The following GLT1D1 variants were observed in gnomAD, a reference collection of about 807,000 sequenced individuals.
The protein encoded by GLT1D1 is glycosyltransferase 1 domain-containing protein 1.
A neutral mutation model predicts 28.7 loss-of-function variants in GLT1D1; 21 were observed. The ratio of observed to expected loss-of-function variants is 0.73; its 90% CI spans 0.52 to 1.05. GLT1D1 has a LOEUF of 1.05. Among genes scored for constraint, GLT1D1 ranks in the 50% least tolerant of loss-of-function variants. The pLI is 0.00. For missense variants in GLT1D1, 343 were observed against 330.6 expected (o/e 1.04, Z -0.29); for synonymous variants, 147 against 124.8 (o/e 1.18, Z -1.19).
chr12:128,890,233 G>A (rs1040596394), intron 3 of GLT1D1, among the ~76,000 whole-genome samples: 4 of 152,128 alleles, frequency 2.6e-5, no homozygotes, highest in Non-Finnish European at 5.9e-5. Flanking sequence ...TTGTCTGTCT[G>A]TAAAACACGC....
chr12:128,967,068 A>G (rs537235), intron 7 of GLT1D1, among the ~76,000 whole-genome samples: 8,819 of 152,234 alleles, frequency 0.058, 830 homozygotes, highest in African/African-American at 0.2. Flanking sequence ...GAATCTATAC[A>G]CTGTCCCAGG....
intron 2 of GLT1D1, among the ~76,000 whole-genome samples, chr12:128,881,990 A>G (rs1331619876): frequency 1.3e-5 from 2 of 151,820 alleles, no homozygotes; most frequent in African/African-American, 4.8e-5. Context: ...TTCCTTTAGG[A>G]TTTTCCAGAA....
intron 3 of GLT1D1, among the ~76,000 whole-genome samples, chr12:128,889,414 C>G (rs1458628277): frequency 6.6e-6 from 1 of 152,150 alleles, no homozygotes; most frequent in Non-Finnish European, 1.5e-5. Context: ...TCTACATGCT[C>G]TAAGTGGGGC....
rs1555219266 is a variant in GLT1D1, at chr12:128,956,171, A to AAGAG, written c.541-1372_541-1369dup. ...GAGACTCCATCTCAAAAAAAAAAAA[A>AAGAG]AGAGAAAGAGAGAAAGAAAGAAAGA... On this transcript the variant is annotated intron_variant, in intron 6 of 7. Coordinates refer to ENST00000281703, the MANE Select transcript of GLT1D1 (RefSeq NM_144669.3). Among the ~76,000 whole-genome samples the AAGAG allele has an allele frequency of 3.3e-4, 21 of 63,988 alleles. 5 individuals carry two copies. The highest frequency in any genetic ancestry group is 1.5e-3 in the South Asian group (2 of 1,376). The allele number at this position is 63,988 out of a possible 152,430, so 42.0% of individuals were successfully genotyped here. A position where few individuals can be genotyped will look rare whatever the true frequency, so the allele number is the denominator to read the frequency against.
chr12:128,920,654 T>C (rs1202002187), intron 4 of GLT1D1, among the ~76,000 whole-genome samples: 1 of 152,236 alleles, frequency 6.6e-6, no homozygotes, highest in South Asian at 2.1e-4. Context: ...TTTCTGTTCC[T>C]GAGCCCGCTC....
At chr12:128,898,203 T>A (rs1869868055) in intron 3 of GLT1D1, among the ~76,000 whole-genome samples, 1 of 151,312 alleles carries the variant, frequency 6.6e-6, no homozygotes, top group Non-Finnish European at 1.5e-5. Context: ...TCTTTCTTCT[T>A]CCTCTGTCAC....
At chr12:128,959,413 G>GA (rs58597574) in intron 7 of GLT1D1, among the ~76,000 whole-genome samples, 43,036 of 87,090 alleles carry the variant, frequency 0.49, 12,017 homozygotes, top group East Asian at 0.75. Flanking sequence ...TGAGGCAGTG[G>GA]GGGGGGACGG....
intron 1 of GLT1D1, chr12:128,864,059 C>A (rs2135767184): frequency 9.2e-6 from 5 of 541,866 alleles, no homozygotes; most frequent in Non-Finnish European, 1.7e-5. Flanking sequence ...AGGGGCCTGG[C>A]TTGTGCCGCT....
intron 2 of GLT1D1, among the ~76,000 whole-genome samples, chr12:128,885,733 G>A (rs1207587241): frequency 6.6e-6 from 1 of 152,106 alleles, no homozygotes; most frequent in African/African-American, 2.4e-5. Flanking sequence ...AGAAAGGGCT[G>A]TCATCTTAAG....
chr12:128,928,008 A>C (rs1221066096), intron 4 of GLT1D1, among the ~76,000 whole-genome samples: 5 of 149,022 alleles, frequency 3.4e-5, no homozygotes. Flanking sequence ...TCAAAAAAAA[A>C]AAAAAAAAAA....
intron 4 of GLT1D1, among the ~76,000 whole-genome samples, chr12:128,940,385 C>G (rs990910140): frequency 1.3e-5 from 2 of 152,214 alleles, no homozygotes; most frequent in Admixed American, 1.3e-4. Context: ...TTTACTCCTC[C>G]GAGCAATCCC....
chr12:128,911,850 G>A (rs1871561118), intron 4 of GLT1D1, among the ~76,000 whole-genome samples: 1 of 151,974 alleles, frequency 6.6e-6, no homozygotes, highest in Non-Finnish European at 1.5e-5. Flanking sequence ...TTGGTGCCAG[G>A]GAGGTAACTT....
chr12:128,915,053 C>A (rs896243108), intron 4 of GLT1D1, 64 bp downstream of exon 6: 1 of 1,300,112 alleles, frequency 7.7e-7, no homozygotes, highest in African/African-American at 1.5e-5. Flanking sequence ...CTTTCAGGAG[C>A]TTGTGACGTT....
At chr12:128,895,533 C>T (rs371769221) in intron 3 of GLT1D1, among the ~76,000 whole-genome samples, 7 of 150,586 alleles carry the variant, frequency 4.6e-5, no homozygotes, top group East Asian at 2.0e-4. Flanking sequence ...CTTGACTCAT[C>T]GCAACCTCCG....
intron 7 of GLT1D1, among the ~76,000 whole-genome samples, chr12:128,966,602 CT>C (rs1436751901): frequency 5.9e-5 from 9 of 152,114 alleles, no homozygotes; most frequent in African/African-American, 1.7e-4. Context: ...GGGTTTTGTG[CT>C]CTTCTGCACG....
chr12:128,945,755 A>T (rs993863005), intron 5 of GLT1D1, among the ~76,000 whole-genome samples: 1 of 152,166 alleles, frequency 6.6e-6, no homozygotes, highest in Non-Finnish European at 1.5e-5. Flanking sequence ...TTGAACTTTC[A>T]TTGCTCACAT....
At chr12:128,860,883 C>T (rs561029420) in intron 1 of GLT1D1, among the ~76,000 whole-genome samples, 11 of 152,212 alleles carry the variant, frequency 7.2e-5, no homozygotes, top group Non-Finnish European at 1.5e-4. Context: ...GCCGTCCTCA[C>T]GGAACCGGGG....
chr12:128,863,495 C>T (rs762788984), intron 1 of GLT1D1, among the ~76,000 whole-genome samples: 5 of 152,112 alleles, frequency 3.3e-5, no homozygotes, highest in Non-Finnish European at 7.3e-5. Context: ...GCCTCAGCCT[C>T]CCAAGTAGCT....
chr12:128,931,437 A>G (rs938369981), intron 4 of GLT1D1, among the ~76,000 whole-genome samples: 1 of 151,306 alleles, frequency 6.6e-6, no homozygotes, highest in Admixed American at 6.6e-5. Context: ...CCTCCCGAGT[A>G]GCTGGGATTA....
Sources: gnomAD v4.1 joint callset for allele counts (sites outside exome capture counted in the v4.1 genomes callset) on GRCh38, gnomAD v4.1.1 for gene constraint, MANE v1.5 for transcripts, NCBI Gene and HGNC (gene_info 2026-07-23, HGNC 2026-07-21) for gene names.